Variants in NARF observed in about 807,000 individuals in gnomAD.
NARF encodes the protein iron-only hydrogenase-like protein 2.
In NARF, 41 loss-of-function variants were observed where a neutral mutation model predicts 48.0. That is an observed-to-expected ratio of 0.85 (90% CI 0.66 to 1.11). The LOEUF (loss-of-function observed/expected upper bound fraction) is 1.11. Ranked by LOEUF, NARF falls within the 50% of genes least tolerant of loss-of-function variation. The pLI, the probability that NARF is intolerant of heterozygous loss-of-function variation, is 0.00. For synonymous variants in NARF, 215 were observed against 225.5 expected (o/e 0.95, Z 0.42); for missense variants, 613 against 590.2 (o/e 1.04, Z -0.40).
At chr17:82,466,141 A>G (rs2143843387) in intron 3 of NARF, among the ~76,000 whole-genome samples, 1 of 152,280 alleles carries the variant, frequency 6.6e-6, no homozygotes, top group East Asian at 1.9e-4. Context: ...AGCTTTGCAG[A>G]CTACTAGAGA....
rs748645823 is a variant in NARF, at chr17:82,468,874, CTG to C, written c.366_367del (p.Cys122TrpfsTer13). ...GTGTAACTGATGCATCCAGAAGACT[CTG>C]TGGTTTCCTCAAAAGTCTTGGTGAG... ...LSVTDASRRL[C>X]GFLKSLGVHY... On this transcript the variant is annotated frameshift_variant, in exon 4 of 11. Coordinates refer to ENST00000309794, the MANE Select transcript of NARF (RefSeq NM_012336.4). LOFTEE classifies it high-confidence loss of function. 6 of 1,613,878 alleles carry C rather than the reference CTG, an allele frequency of 3.7e-6. No homozygotes were observed. In the East Asian group the frequency reaches 6.7e-5, roughly 18 times the overall value.
chr17:82,477,478 TG>T (rs1397528323), intron 5 of NARF, among the ~76,000 whole-genome samples: 3 of 151,654 alleles, frequency 2.0e-5, no homozygotes, highest in African/African-American at 7.3e-5. Flanking sequence ...CACTCCAGCC[TG>T]GGTGACAGAG....
intron 2 of NARF, chr17:82,463,326 G>A (rs2043481273): frequency 6.6e-6 from 1 of 152,176 alleles, no homozygotes; most frequent in African/African-American, 2.4e-5. Context: ...TGAGGAACAA[G>A]AGAACAAGAC....
At chr17:82,471,791 C>CAAAAAAAAAAAAAAAAAA (rs58302009) in intron 4 of NARF, among the ~76,000 whole-genome samples, 3 of 64,610 alleles carry the variant, frequency 4.6e-5, no homozygotes, top group African/African-American at 1.2e-4. Context: ...GACTCCGTCT[C>CAAAAAAAAAAAAAAAAAA]AAAAAAAAAA....
upstream of NARF, chr17:82,458,395 T>A (rs941837728): frequency 1.1e-5 from 2 of 174,492 alleles, no homozygotes; most frequent in Admixed American, 1.3e-4. Context: ...CAGCTTGGCC[T>A]CGGGACAGTC....
chr17:82,467,825 C>T (rs1189519548), intron 3 of NARF, among the ~76,000 whole-genome samples: 2 of 152,278 alleles, frequency 1.3e-5, no homozygotes, highest in East Asian at 1.9e-4. Context: ...TTTTAAGAGG[C>T]ATCTCTGGAT....
At chr17:82,473,295 ATT>A (rs71168112) in intron 5 of NARF, among the ~76,000 whole-genome samples, 24 of 120,650 alleles carry the variant, frequency 2.0e-4, no homozygotes, top group Admixed American at 2.4e-4. Flanking sequence ...ACATGTCTCT[ATT>A]TTTTTTTTTT....
chr17:82,483,255 G>T, intron 7 of NARF: 1 of 390,404 alleles, frequency 2.6e-6, no homozygotes, highest in Non-Finnish European at 5.1e-6. Context: ...GGAGGCAGAG[G>T]TTACAGCGAG....
At chr17:82,486,088 G>T (rs931610567) in intron 10 of NARF, among the ~76,000 whole-genome samples, 3 of 152,196 alleles carry the variant, frequency 2.0e-5, no homozygotes, top group Non-Finnish European at 4.4e-5. Flanking sequence ...CCCAGCCTGG[G>T]CCTGAGGGGC....
In NARF at chr17:82,484,950, G is replaced by C; in HGVS notation, c.971G>C (p.Arg324Thr). The part of the protein sequence containing the change: ...DVEEVTYRAL[R>T]NKDFQEVTLE... The stretch of plus-strand genomic sequence containing the variant: ...GAGGAGGTCACTTACCGAGCCCTGA[G>C]GTGTGGGGCAGTATCCACAGCCTGT... Residue 324 changes from arginine (R) to threonine (T), a missense_variant and splice_region_variant, in exon 9 of 11, where the codon AGA becomes ACA. Transcript: ENST00000309794. 2 of 1,603,558 alleles carry C rather than the reference G, an allele frequency of 1.2e-6. No individual in the cohort carries two copies. Among genetic ancestry groups the C allele is most frequent in the Non-Finnish European group, 1.7e-6 (2 of 1,174,538 alleles).
chr17:82,484,982 CTGTGGTTAGCACGTGTGCA>C (rs764028372), intron 9 of NARF, 32 bp downstream of exon 9: 1 of 1,569,862 alleles, frequency 6.4e-7, no homozygotes, highest in Non-Finnish European at 8.6e-7. Flanking sequence ...CTGTCTGTGC[CTGTGGTTAGCACGTGTGCA>C]TGGTGTGCCT....
chr17:82,481,746 A>G, intron 7 of NARF: 3 of 429,004 alleles, frequency 7.0e-6, no homozygotes, highest in Middle Eastern at 3.5e-4. Context: ...AAAAAAAAAA[A>G]GATAAATCAG....
At chr17:82,465,194 C>A (rs921453879) in intron 3 of NARF, among the ~76,000 whole-genome samples, 1 of 152,162 alleles carries the variant, frequency 6.6e-6, no homozygotes, top group South Asian at 2.1e-4. Flanking sequence ...GACTCACTCA[C>A]TATCATGAGA....
chr17:82,483,689 T>C, intron 7 of NARF, 27 bp from the exon 8 acceptor site: 5 of 1,612,560 alleles, frequency 3.1e-6, no homozygotes, highest in African/African-American at 2.7e-5. Context: ...CTGTGTCTTT[T>C]CAGTGTCTTA....
intron 7 of NARF, chr17:82,482,625 A>G (rs989564315): frequency 4.6e-5 from 7 of 153,216 alleles, no homozygotes; most frequent in East Asian, 1.9e-4. Context: ...AAATACAGAA[A>G]GTGGTTCTCA....
chr17:82,488,302 C>G lies in NARF; in HGVS notation c.*145C>G. ...TTGGTTTCTCCGAGTTCCCTGCTAC[C>G]CCGTTTATTGGAGGCCCCTCAGGCA... is the stretch of plus-strand genomic sequence containing the variant. On this transcript the variant is annotated 3_prime_UTR_variant, in exon 11 of 11. Transcript: ENST00000309794. 1 of 1,307,196 alleles carries G rather than the reference C, an allele frequency of 7.6e-7. No homozygotes were observed. Among genetic ancestry groups the G allele is most frequent in the East Asian group, 2.5e-5 (1 of 39,264 alleles). 81.0% of individuals were successfully genotyped at this position (1,307,196 alleles called of 1,614,324 possible).
Position 82,458,819 on chromosome 17 carries a change from T to A in NARF, c.16T>A (p.Cys6Ser). 3 of 1,426,370 alleles carry A rather than the reference T, an allele frequency of 2.1e-6. No individual in the cohort carries two copies. Among genetic ancestry groups the A allele is most frequent in the Non-Finnish European group, 2.7e-6 (3 of 1,093,358 alleles). The allele number at this position is 1,426,370 out of a possible 1,614,324, so 88.4% of individuals were successfully genotyped here. A position where few individuals can be genotyped will look rare whatever the true frequency, so the allele number is the denominator to read the frequency against. Residue 6 changes from cysteine to serine, a missense_variant, in exon 1 of 11, where the codon TGC becomes AGC. Coordinates refer to ENST00000309794, the MANE Select transcript of NARF (RefSeq NM_012336.4). ...CGCGCTCCAGATGAAGTGTGAGCAC[T>A]GCACGCGCAAGGTGAGCGCCGCGGG... MKCEH[C>S]TRKECSKKTK...
At chr17:82,458,731 G>C (rs545519571), upstream of NARF, 23 of 1,451,540 alleles carry the variant, frequency 1.6e-5, no homozygotes, top group Non-Finnish European at 2.1e-5. Flanking sequence ...CGCGGGCGGC[G>C]GGCAGTGGTG....
intron 5 of NARF, among the ~76,000 whole-genome samples, chr17:82,478,111 T>A (rs993961467): frequency 6.6e-6 from 1 of 152,166 alleles, no homozygotes; most frequent in Non-Finnish European, 1.5e-5. Flanking sequence ...TGTGATGTTC[T>A]TATGCACTCT....
Sources: gnomAD v4.1 joint callset for allele counts (sites outside exome capture counted in the v4.1 genomes callset) on GRCh38, gnomAD v4.1.1 for gene constraint, MANE v1.5 for transcripts, NCBI Gene and HGNC (gene_info 2026-07-23, HGNC 2026-07-21) for gene names.